Variants in NSUN6 observed in about 807,000 individuals in gnomAD.
NSUN6 encodes NOP2/Sun RNA methyltransferase 6, also known as tRNA (cytosine(72)-C(5))-methyltransferase NSUN6.
In NSUN6, 64 loss-of-function variants were observed where a neutral mutation model predicts 58.0. The observed-to-expected ratio is 1.10, with a 90% CI of 0.90 to 1.36. The LOEUF is 1.36. NSUN6 is among the 40% of genes most tolerant of loss of function. NSUN6 has a pLI of 0.00. For synonymous variants in NSUN6, 231 were observed against 193.9 expected, an observed-to-expected ratio of 1.19 and a Z score of -1.59; for missense variants, 701 against 550.1, an observed-to-expected ratio of 1.27 and a Z score of -2.74.
intron 2 of NSUN6, among the ~76,000 whole-genome samples, chr10:18,647,897 G>A (rs777795002): frequency 7.2e-5 from 11 of 151,934 alleles, no homozygotes; most frequent in African/African-American, 1.5e-4. Flanking sequence ...CATCATGCCC[G>A]AATAATTTTT....
intron 7 of NSUN6, among the ~76,000 whole-genome samples, chr10:18,595,818 T>C (rs1413614872): frequency 1.3e-5 from 2 of 152,208 alleles, no homozygotes; most frequent in Non-Finnish European, 2.9e-5. Flanking sequence ...ATTATACAAC[T>C]ATGTTTATAT....
chr10:18,550,728 C>CTTTT (rs66875630), intron 9 of NSUN6, among the ~76,000 whole-genome samples: 15 of 138,932 alleles, frequency 1.1e-4, no homozygotes, highest in Non-Finnish European at 1.1e-4. Context: ...CAAAAAATCT[C>CTTTT]TTTTTTTTTT....
chr10:18,636,002 G>C (rs548079493), intron 3 of NSUN6, among the ~76,000 whole-genome samples: 21 of 151,368 alleles, frequency 1.4e-4, no homozygotes, highest in African/African-American at 4.4e-4. Flanking sequence ...AAAAGTTTTT[G>C]GTGGGCCTTA....
chr10:18,652,504 T>G (rs988588200), upstream of NSUN6: 4 of 983,840 alleles, frequency 4.1e-6, no homozygotes, highest in African/African-American at 1.8e-5. Context: ...CCAGAAAGAG[T>G]AGAAAATAAT....
At chr10:18,643,516 T>C (rs188065849) in intron 2 of NSUN6, among the ~76,000 whole-genome samples, 105 of 152,286 alleles carry the variant, frequency 6.9e-4, no homozygotes, top group African/African-American at 2.4e-3. Context: ...TCTAAGTTGA[T>C]AAGGAAACAG....
At chr10:18,652,274 G>T, upstream of NSUN6, 1 of 984,496 alleles carries the variant, frequency 1.0e-6, no homozygotes, top group Non-Finnish European at 1.2e-6. Context: ...AAAGAACGAG[G>T]ATATCTAACC....
At chr10:18,556,923 T>G (rs1258356106) in intron 8 of NSUN6, among the ~76,000 whole-genome samples, 2 of 134,086 alleles carry the variant, frequency 1.5e-5, no homozygotes, top group African/African-American at 5.6e-5. Flanking sequence ...TGGAGAATGG[T>G]ATGGAACGGA....
rs368834706 is a variant in NSUN6 at position 18,588,825 on chromosome 10, A to C, written c.778-2732T>G. On this transcript the variant is annotated intron_variant, in intron 7 of 10. Coordinates refer to ENST00000377304, the MANE Select transcript of NSUN6 (RefSeq NM_182543.5). Reference sequence around the variant, plus strand: ...GAAGATGAGGAAATAACAGCACAAAAATGCTGAAAATTCCAAAAACCAGAA... The same window carrying C: ...GAAGATGAGGAAATAACAGCACAAACATGCTGAAAATTCCAAAAACCAGAA... Among the ~76,000 whole-genome samples the C allele has an allele frequency of 2.6e-5, 4 of 152,330 alleles. No individual in the cohort carries two copies. In the South Asian group the frequency reaches 6.2e-4, roughly 24 times the overall value.
At chr10:18,571,168 C>T (rs2056338492) in intron 8 of NSUN6, among the ~76,000 whole-genome samples, 1 of 150,720 alleles carries the variant, frequency 6.6e-6, no homozygotes, top group Non-Finnish European at 1.5e-5. Flanking sequence ...TTCTTCACTG[C>T]ATTCCATTCT....
chr10:18,652,517 A>C (rs775455262), upstream of NSUN6: 3 of 984,598 alleles, frequency 3.0e-6, no homozygotes, highest in Non-Finnish European at 3.6e-6. Context: ...AAAATAATGA[A>C]TGACCATTAT....
intron 6 of NSUN6, among the ~76,000 whole-genome samples, chr10:18,609,218 G>A (rs546166044): frequency 6.6e-6 from 1 of 152,260 alleles, no homozygotes; most frequent in South Asian, 2.1e-4. Context: ...GGCTAAGGCA[G>A]GAAGATCGCT....
At chr10:18,641,665 G>C (rs1687069) in intron 3 of NSUN6, among the ~76,000 whole-genome samples, 1 of 90,980 alleles carries the variant, frequency 1.1e-5, no homozygotes, top group African/African-American at 4.3e-5. Context: ...TAAGCCACCA[G>C]ATCCAGCCTG....
chr10:18,553,768 G>C (rs1460552355), intron 8 of NSUN6, among the ~76,000 whole-genome samples: 1 of 151,322 alleles, frequency 6.6e-6, no homozygotes, highest in African/African-American at 2.4e-5. Flanking sequence ...ATGGAGAATG[G>C]ATTGGAATGG....
rs775471480 is a variant in NSUN6, at chr10:18,595,405, T to C, written c.777+803A>G. The stretch of plus-strand genomic sequence containing the variant: ...ATACGATAAATATGCCATAATTTAA[T>C]GGAGAATTAACACTTTCTCAAAGCC... On this transcript the variant is annotated intron_variant, in intron 7 of 10. Transcript: ENST00000377304. Among the ~76,000 whole-genome samples the C allele has an allele frequency of 8.5e-5, 13 of 152,358 alleles. No individual in the cohort carries two copies. In the South Asian group the frequency reaches 2.3e-3, roughly 27 times the overall value.
rs141757408 is a variant in NSUN6, at chr10:18,648,628, A to C, written c.93T>G (p.Gly31=). ...FMNKEIVTAL[G]KQEAERKFET... The stretch of plus-strand genomic sequence containing the variant: ...CAAACTTCCTTTCTGCTTCTTGTTT[A>C]CCTAAAGCAGTCACAATCTAAAAAG... Residue 31 remains glycine, a synonymous_variant, in exon 2 of 11, where the codon GGT becomes GGG. Coordinates refer to ENST00000377304, the MANE Select transcript of NSUN6 (RefSeq NM_182543.5). The C allele has an allele frequency of 1.6e-5, 25 of 1,591,284 alleles. No homozygotes were observed. The highest frequency in any genetic ancestry group is 1.4e-4 in the Admixed American group (8 of 57,502).
chr10:18,558,080 GGAATGAA>G (rs1258560888), intron 8 of NSUN6, among the ~76,000 whole-genome samples: 4 of 150,986 alleles, frequency 2.6e-5, no homozygotes, highest in African/African-American at 9.7e-5. Flanking sequence ...AGAATGGAAT[GGAATGAA>G]GAATGGAGAA....
At chr10:18,630,247 TCA>T (rs2131471640) in intron 3 of NSUN6, among the ~76,000 whole-genome samples, 2 of 148,382 alleles carry the variant, frequency 1.3e-5, no homozygotes, top group South Asian at 4.6e-4. Context: ...TGGGACACAT[TCA>T]AAGCAGTATG....
At chr10:18,547,070 G>A (rs1404521807) in intron 10 of NSUN6, among the ~76,000 whole-genome samples, 1 of 152,080 alleles carries the variant, frequency 6.6e-6, no homozygotes, top group Non-Finnish European at 1.5e-5. Flanking sequence ...CATACCAGTT[G>A]GGCGAGAAAA....
At chr10:18,656,816 CTTTTTTTTTTTT>C (rs59363607), upstream of NSUN6, among the ~76,000 whole-genome samples, 347 of 86,656 alleles carry the variant, frequency 4.0e-3, 3 homozygotes, top group African/African-American at 0.01. Flanking sequence ...AGTTACAATC[CTTTTTTTTTTTT>C]TTTTTTTTTT....
Sources: gnomAD v4.1 joint callset for allele counts (sites outside exome capture counted in the v4.1 genomes callset) on GRCh38, gnomAD v4.1.1 for gene constraint, MANE v1.5 for transcripts, NCBI Gene and HGNC (gene_info 2026-07-23, HGNC 2026-07-21) for gene names.